LAMA1: variants seen among roughly 807,000 people sequenced by gnomAD.
The protein encoded by LAMA1 is laminin subunit alpha-1.
A neutral mutation model predicts 348.7 loss-of-function variants in LAMA1; 219 were observed. That is an observed-to-expected ratio of 0.63 (90% CI 0.56 to 0.70). LAMA1 has a LOEUF of 0.70. Among genes scored for constraint, LAMA1 ranks in the 30% least tolerant of loss-of-function variants. The pLI, the probability that LAMA1 is intolerant of heterozygous loss-of-function variation, is 0.00. For missense variants in LAMA1, 3,744 were observed against 3,888.0 expected, an observed-to-expected ratio of 0.96 and a Z score of 0.99; for synonymous variants, 1,487 against 1,491.0, an observed-to-expected ratio of 1.00 and a Z score of 0.06.
intron 18 of LAMA1, 144 bp from the exon 19 acceptor site, chr18:7,023,519 C>T (rs1193542025): frequency 1.5e-5 from 11 of 741,480 alleles, no homozygotes; most frequent in South Asian, 1.1e-4. Context: ...ACTCCCCACT[C>T]GGGCATTCCC....
chr18:7,116,553 T>A (rs984234476), intron 1 of LAMA1, among the ~76,000 whole-genome samples: 5 of 152,206 alleles, frequency 3.3e-5, no homozygotes, highest in African/African-American at 1.2e-4. Context: ...CAAACACACG[T>A]TTCCCACGAG....
chr18:7,023,440 AG>A (rs1368583857), intron 18 of LAMA1, 65 bp from the exon 19 acceptor site: 1 of 1,329,500 alleles, frequency 7.5e-7, no homozygotes, highest in Non-Finnish European at 1.1e-6. Context: ...CGCACTATCC[AG>A]GGACTCCCTG....
At position 6,941,843 on chromosome 18, in the gene LAMA1, A is replaced by AT. The variant is rs965087426; in HGVS notation, c.*235dup. 1.0e-4 allele frequency: 55 copies of AT among 532,094 alleles called. No individual in the cohort carries two copies. The highest frequency in any genetic ancestry group is 1.1e-3 in the Middle Eastern group (2 of 1,884). 33.0% of individuals were successfully genotyped at this position (532,094 alleles called of 1,614,324 possible). ...AACAGAACATTCAATGTGTATAAAG[A>AT]TTTTTTTAAAAATACGTTTAAAAAG... On this transcript the variant is annotated 3_prime_UTR_variant, in exon 63 of 63. Coordinates refer to ENST00000389658, the MANE Select transcript of LAMA1 (RefSeq NM_005559.4).
At chr18:7,037,869 G>A in intron 11 of LAMA1, 118 bp from the exon 12 acceptor site, 1 of 947,284 alleles carries the variant, frequency 1.1e-6, no homozygotes, top group Non-Finnish European at 1.6e-6. Context: ...TCTAGGGATG[G>A]CATTAACATA....
chr18:7,106,914 G>A (rs1436537289), intron 1 of LAMA1, among the ~76,000 whole-genome samples: 1 of 151,966 alleles, frequency 6.6e-6, no homozygotes, highest in Non-Finnish European at 1.5e-5. Flanking sequence ...GGCATATGAT[G>A]TAGAAGCTGA....
In LAMA1 at chr18:7,002,321, AC is replaced by A. The variant is rs1315694884; in HGVS notation, c.4324del (p.Val1442Ter). On this transcript the variant is annotated frameshift_variant, in exon 30 of 63. Transcript: ENST00000389658. LOFTEE classifies it high-confidence loss of function. The part of the protein sequence containing the change: ...DVCTSGYYGK[V>X]TGSASDCALC... ...AGCACAGTCACTTGCTGAGCCAGTC[AC>A]CTTCCCGTAGTAGCCAGAAGTACAC... 3.1e-6 allele frequency: 5 copies of A among 1,613,596 alleles called. No homozygotes were observed. Among genetic ancestry groups the A allele is most frequent in the Non-Finnish European group, 4.2e-6 (5 of 1,180,016 alleles).
chr18:7,011,507 A>G lies in LAMA1; in HGVS notation c.3508-28T>C, dbSNP rs201771444. 134 of 1,579,326 alleles carry G rather than the reference A, an allele frequency of 8.5e-5. No individual in the cohort carries two copies. The African/African-American group carries it at 1.6e-3, about 19-fold the overall frequency. ...AAACCACGAAAGGAGGGGAAAGTGC[A>G]CTTCAAAATGCGAACTTTCCACTCC... On this transcript the variant is annotated intron_variant, in intron 24 of 62. Coordinates refer to ENST00000389658, the MANE Select transcript of LAMA1 (RefSeq NM_005559.4).
At chr18:6,957,260 G>A (rs1003368370) in intron 55 of LAMA1, 2 of 180,660 alleles carry the variant, frequency 1.1e-5, no homozygotes, top group Non-Finnish European at 2.4e-5. Context: ...GCACTTTCCC[G>A]GGCACAGCTG....
At chr18:7,089,582 C>T (rs1480418063) in intron 1 of LAMA1, among the ~76,000 whole-genome samples, 1 of 152,202 alleles carries the variant, frequency 6.6e-6, no homozygotes, top group East Asian at 1.9e-4. Context: ...AGGCGAAGGC[C>T]CAATGACCTG....
chr18:6,977,847 T>A lies in LAMA1; in HGVS notation c.6225A>T (p.Glu2075Asp). Residue 2075 changes from glutamate to aspartate, a missense_variant, in exon 44 of 63, where the codon GAA (glutamate) becomes GAT (aspartate). This residue lies in a region of LAMA1 where 1,983 missense variants were observed against 1,934.3 expected (regional missense o/e 1.03). Coordinates refer to ENST00000389658, the MANE Select transcript of LAMA1 (RefSeq NM_005559.4). ...GATCAAACAAAAGGTTGGCTTGAAT[T>A]TCCACGTCTTTGACTTTTCTTCCAG... ...LLAGRKVKDV[E>D]IQANLLFDRL... 1 of 1,613,620 alleles carries A rather than the reference T, an allele frequency of 6.2e-7. No individual in the cohort carries two copies. Among genetic ancestry groups the A allele is most frequent in the Non-Finnish European group, 8.5e-7 (1 of 1,180,024 alleles).
At chr18:7,066,185 T>C (rs894034543) in intron 3 of LAMA1, among the ~76,000 whole-genome samples, 1 of 152,250 alleles carries the variant, frequency 6.6e-6, no homozygotes, top group Non-Finnish European at 1.5e-5. Context: ...TGATTTAGGC[T>C]TAAAACGACA....
rs368365759 is a variant in LAMA1 at position 6,978,308 on chromosome 18, C to T, written c.6078G>A (p.Leu2026=). ...TSASQSAVST[L]RDVAGLSQEL... ...CCTGGCTCAGCCCCGCCACGTCCCT[C>T]AGCGTGCTCACCGCGCTCTGGCTTG... is the stretch of plus-strand genomic sequence containing the variant. Residue 2026 remains leucine (L), a synonymous_variant, in exon 43 of 63, where the codon CTG becomes CTA. Coordinates refer to ENST00000389658, the MANE Select transcript of LAMA1 (RefSeq NM_005559.4). 1.2e-5 allele frequency: 20 copies of T among 1,614,140 alleles called. No homozygotes were observed. In the African/African-American group the frequency reaches 2.1e-4, roughly 17 times the overall value.
At position 6,955,307 on chromosome 18, in the gene LAMA1, C is replaced by T. The variant is rs1198913826; in HGVS notation, c.8207+46G>A. ...TCTGTGGCTGCAGAACACCCCCATA[C>T]ATCTAGCAATGAGACGCCGCATAAG... On this transcript the variant is annotated intron_variant, in intron 57 of 62. Coordinates refer to ENST00000389658, the MANE Select transcript of LAMA1 (RefSeq NM_005559.4). 9 of 1,422,132 alleles carry T rather than the reference C, an allele frequency of 6.3e-6. No individual in the cohort carries two copies. In the African/African-American group the frequency reaches 7.1e-5, roughly 11 times the overall value. The allele number at this position is 1,422,132 out of a possible 1,614,324, so 88.1% of individuals were successfully genotyped here.
In LAMA1 at chr18:7,037,609, C is replaced by G. The variant is rs1254270535; in HGVS notation, c.1706G>C (p.Trp569Ser). ...TCCAAGGTAGGCCTCGGGGGCTGCC[C>G]AGTAGTACTTGGGAGCCAGTCTCTG... ...VMQRLAPKYYWAAPEAYLGNK... is the reference protein window; with the variant it reads ...VMQRLAPKYYSAAPEAYLGNK... Residue 569 changes from tryptophan to serine, a missense_variant, in exon 12 of 63, where the codon TGG (tryptophan) becomes TCG (serine). Physicochemically the swap from Trp to Ser is radical, Grantham distance 177 (BLOSUM62 -3). Coordinates refer to ENST00000389658, the MANE Select transcript of LAMA1 (RefSeq NM_005559.4). 6.2e-7 allele frequency: 1 copy of G among 1,614,048 alleles called. No homozygotes were observed. Among genetic ancestry groups the G allele is most frequent in the Non-Finnish European group, 8.5e-7 (1 of 1,180,016 alleles).
intron 12 of LAMA1, among the ~76,000 whole-genome samples, chr18:7,036,367 T>G (rs2030104505): frequency 6.6e-6 from 1 of 152,234 alleles, no homozygotes; most frequent in Non-Finnish European, 1.5e-5. Context: ...ACTATAAACT[T>G]TTGTTAATCA....
Position 6,977,757 on chromosome 18 carries a change from C to A in LAMA1, c.6315G>T (p.Leu2105Phe). ...LSRNLSEIKL[L>F]ISQARKQAAS... The stretch of plus-strand genomic sequence containing the variant: ...CTGCTTGTTTGCGGGCCTGGCTGAT[C>A]AACAGTTTAATTTCTGATAGGTTTC... The change falls in exon 44 of 63, where the codon TTG becomes TTT. Residue 2105 changes from leucine (L) to phenylalanine (F), a missense_variant. Coordinates refer to ENST00000389658, the MANE Select transcript of LAMA1 (RefSeq NM_005559.4). 1.2e-6 allele frequency: 2 copies of A among 1,614,158 alleles called. No individual in the cohort carries two copies. The highest frequency in any genetic ancestry group is 1.7e-6 in the Non-Finnish European group (2 of 1,180,030).
Position 6,997,724 on chromosome 18 carries a change from T to C in LAMA1, c.4806+18A>G, listed in dbSNP as rs1208444806. 1.2e-6 allele frequency: 2 copies of C among 1,611,148 alleles called. No homozygotes were observed. Among genetic ancestry groups the C allele is most frequent in the Non-Finnish European group, 8.5e-7 (1 of 1,177,274 alleles). On this transcript the variant is annotated intron_variant, in intron 33 of 62. Coordinates refer to ENST00000389658, the MANE Select transcript of LAMA1 (RefSeq NM_005559.4). ...AATGATACAAGTGTCTGTTCATCTC[T>C]GTATTTCCAGTACCTACCTGGAGAT...
Position 6,992,688 on chromosome 18 carries a change from A to G in LAMA1, c.5041T>C (p.Leu1681=). Residue 1681 remains leucine, a synonymous_variant, in exon 36 of 63, where the codon TTG becomes CTG. Coordinates refer to ENST00000389658, the MANE Select transcript of LAMA1 (RefSeq NM_005559.4). The part of the protein sequence containing the change: ...IMEKTTLNQT[L]DEDFLLPNST... ...TTGGGTAGTAGGAAATCTTCATCCAAAGTCTGATTTAAAGTTGTCTTTTCC... is the reference window on the plus strand; with the variant it reads ...TTGGGTAGTAGGAAATCTTCATCCAGAGTCTGATTTAAAGTTGTCTTTTCC... 6.2e-7 allele frequency: 1 copy of G among 1,613,498 alleles called. No homozygotes were observed. Among genetic ancestry groups the G allele is most frequent in the Non-Finnish European group, 8.5e-7 (1 of 1,179,404 alleles).
At chr18:7,020,940 A>G (rs1471492181) in intron 19 of LAMA1, among the ~76,000 whole-genome samples, 3 of 152,150 alleles carry the variant, frequency 2.0e-5, no homozygotes, top group Non-Finnish European at 4.4e-5. Context: ...GTCCCAGGAC[A>G]GGGAGGACGA....
Sources: allele counts gnomAD v4.1 joint callset (sites outside exome capture counted in the v4.1 genomes callset), GRCh38; gene constraint gnomAD v4.1.1; regional missense constraint gnomAD v4.1.1; transcripts MANE v1.5; gene names NCBI Gene and HGNC (gene_info 2026-07-23, HGNC 2026-07-21).